The following EFHC1 variants were observed in gnomAD, a reference collection of about 807,000 sequenced individuals.
EFHC1 encodes the protein EF-hand domain-containing protein 1.
In EFHC1, 53 loss-of-function variants were observed where a neutral mutation model predicts 69.9. That is an observed-to-expected ratio of 0.76 (90% confidence interval 0.61 to 0.95). EFHC1 has a LOEUF of 0.95. Ranked by LOEUF, EFHC1 falls within the 40% of genes least tolerant of loss-of-function variation. The pLI, the probability that EFHC1 is intolerant of heterozygous loss-of-function variation, is 0.00. For missense variants in EFHC1, 739 were observed against 798.7 expected, an observed-to-expected ratio of 0.93 and a Z score of 0.90; for synonymous variants, 256 against 278.4, an observed-to-expected ratio of 0.92 and a Z score of 0.80.
intron 3 of EFHC1, among the ~76,000 whole-genome samples, chr6:52,442,322 G>C (rs1259554836): frequency 6.7e-6 from 1 of 148,590 alleles, no homozygotes; most frequent in Non-Finnish European, 1.5e-5. Flanking sequence ...TATACTTTAA[G>C]TTATGGGGTA....
chr6:52,478,417 A>G (rs1466338350), intron 7 of EFHC1, among the ~76,000 whole-genome samples: 1 of 152,186 alleles, frequency 6.6e-6, no homozygotes, highest in Non-Finnish European at 1.5e-5. Context: ...CTAAAACTTA[A>G]ACTATAATAA....
chr6:52,473,150 G>C (rs1057458917), intron 7 of EFHC1, among the ~76,000 whole-genome samples: 9 of 152,112 alleles, frequency 5.9e-5, no homozygotes, highest in Non-Finnish European at 1.0e-4. Flanking sequence ...TGTATTAAAA[G>C]TCACAGTAAT....
At chr6:52,426,356 T>G (rs1764300640) in intron 2 of EFHC1, among the ~76,000 whole-genome samples, 1 of 152,186 alleles carries the variant, frequency 6.6e-6, no homozygotes, top group South Asian at 2.1e-4. Context: ...GAAACTGTGC[T>G]CTTCTTTTGC....
chr6:52,444,480 T>G (rs973135762), intron 3 of EFHC1, among the ~76,000 whole-genome samples: 1 of 152,226 alleles, frequency 6.6e-6, no homozygotes, highest in Non-Finnish European at 1.5e-5. Context: ...CCTAGTTTAT[T>G]GAGAGGTTTT....
intron 5 of EFHC1, among the ~76,000 whole-genome samples, chr6:52,455,758 C>A (rs1205061066): frequency 6.6e-6 from 1 of 152,138 alleles, no homozygotes; most frequent in East Asian, 1.9e-4. Flanking sequence ...CGTGTCTGTA[C>A]ATATTGCTTC....
intron 10 of EFHC1, 69 bp downstream of exon 10, chr6:52,490,419 T>G: frequency 7.4e-7 from 1 of 1,355,156 alleles, no homozygotes; most frequent in Admixed American, 1.7e-5. Context: ...CTAAAGGCAA[T>G]TGTGTGTGTA....
chr6:52,486,360 A>G (rs567119153), intron 9 of EFHC1: 18 of 152,206 alleles, frequency 1.2e-4, no homozygotes, highest in Non-Finnish European at 2.4e-4. Context: ...CAGCAAATGC[A>G]CACACTTATT....
At chr6:52,430,982 C>T (rs374233164) in intron 2 of EFHC1, among the ~76,000 whole-genome samples, 3 of 152,034 alleles carry the variant, frequency 2.0e-5, no homozygotes, top group African/African-American at 7.2e-5. Flanking sequence ...AGTTTATGTG[C>T]GTAAAGGTGT....
chr6:52,456,372 A>G (rs545957110), intron 5 of EFHC1, among the ~76,000 whole-genome samples: 1 of 152,274 alleles, frequency 6.6e-6, no homozygotes, highest in African/African-American at 2.4e-5. Context: ...TGCAGTTCGG[A>G]GCTAACAAAC....
intron 7 of EFHC1, among the ~76,000 whole-genome samples, chr6:52,478,499 CTT>C (rs750217915): frequency 6.6e-6 from 1 of 152,116 alleles, no homozygotes. Flanking sequence ...TTATATTACT[CTT>C]ATCCCTTCTT....
At chr6:52,441,531 A>G (rs976417737) in intron 3 of EFHC1, among the ~76,000 whole-genome samples, 8 of 152,136 alleles carry the variant, frequency 5.3e-5, no homozygotes, top group African/African-American at 7.2e-5. Context: ...GAAGGCAGGT[A>G]ACATGATGCC....
Position 52,492,818 on chromosome 6 carries a change from G to T in EFHC1, c.*477G>T, listed in dbSNP as rs115035804. ...ATTTTGTAGAGACAAGGTCTTGCTA[G>T]GTTGCCTGAACTTGTCTCAAACTCA... On this transcript the variant is annotated 3_prime_UTR_variant, in exon 11 of 11. Transcript: ENST00000371068. The T allele has an allele frequency of 3.2e-3, 1,397 of 440,906 alleles. 19 individuals are homozygous for T. The highest frequency in any genetic ancestry group is 0.026 in the African/African-American group (1,268 of 49,308). The allele number at this position is 440,906 out of a possible 1,614,324, so 27.3% of individuals were successfully genotyped here.
intron 1 of EFHC1, 158 bp from the exon 2 acceptor site, chr6:52,423,788 G>T: frequency 6.5e-7 from 1 of 1,529,924 alleles, no homozygotes; most frequent in South Asian, 1.2e-5. Context: ...TTATAGGCAC[G>T]AGCCACCATG....
rs546820475 is a variant in EFHC1, at chr6:52,496,567, A to C, written c.*4226A>C. On this transcript the variant is annotated 3_prime_UTR_variant, in exon 11 of 11. Coordinates refer to ENST00000371068, the MANE Select transcript of EFHC1 (RefSeq NM_018100.4). ...TGACTCCTGAGTATCCTGCTGGCACATAAGTTCATTTTAAAAAGCCAATAT... is the reference window on the plus strand; with the variant it reads ...TGACTCCTGAGTATCCTGCTGGCACCTAAGTTCATTTTAAAAAGCCAATAT... The C allele has an allele frequency of 6.6e-6, 1 of 152,336 alleles. No homozygotes were observed. Among genetic ancestry groups the C allele is most frequent in the East Asian group, 1.9e-4 (1 of 5,194 alleles). The allele number at this position is 152,336 out of a possible 1,614,324, so 9.4% of individuals were successfully genotyped here.
intron 2 of EFHC1, among the ~76,000 whole-genome samples, chr6:52,430,956 T>C (rs1764400610): frequency 6.6e-6 from 1 of 152,190 alleles, no homozygotes; most frequent in South Asian, 2.1e-4. Context: ...AATTTATCTA[T>C]CTACTCTAGT....
chr6:52,422,444 A>T (rs1354046057), intron 1 of EFHC1, among the ~76,000 whole-genome samples: 2 of 152,214 alleles, frequency 1.3e-5, no homozygotes, highest in African/African-American at 4.8e-5. Flanking sequence ...GACCTTTAAA[A>T]ACAAATGTCA....
chr6:52,430,176 T>C (rs566128328), intron 2 of EFHC1: 1 of 152,246 alleles, frequency 6.6e-6, no homozygotes, highest in East Asian at 1.9e-4. Flanking sequence ...TTGACTTCTT[T>C]ACCTATTTGG....
chr6:52,424,290 C>A, intron 2 of EFHC1, 123 bp downstream of exon 2: 1 of 920,030 alleles, frequency 1.1e-6, no homozygotes, highest in Non-Finnish European at 1.7e-6. Flanking sequence ...TGTTCAGATG[C>A]CTTAACCCTT....
rs1179787883 is a variant in EFHC1, at chr6:52,495,684, G to A, written c.*3343G>A. The A allele has an allele frequency of 9.2e-6, 4 of 433,864 alleles. No individual in the cohort carries two copies. In the Admixed American group the frequency reaches 9.7e-5, roughly 11 times the overall value. The allele number at this position is 433,864 out of a possible 1,614,324, so 26.9% of individuals were successfully genotyped here. On this transcript the variant is annotated 3_prime_UTR_variant, in exon 11 of 11. Coordinates refer to ENST00000371068, the MANE Select transcript of EFHC1 (RefSeq NM_018100.4). Reference sequence around the variant, plus strand: ...GCTCACTGCAGCCTCAAACTCCTGGGCTCATGCAATCCTCCTGCCTCAGCC... The same window carrying A: ...GCTCACTGCAGCCTCAAACTCCTGGACTCATGCAATCCTCCTGCCTCAGCC...
Sources: allele counts gnomAD v4.1 joint callset (sites outside exome capture counted in the v4.1 genomes callset), GRCh38; gene constraint gnomAD v4.1.1; transcripts MANE v1.5; gene names NCBI Gene and HGNC (gene_info 2026-07-23, HGNC 2026-07-21).